The following AGMO variants were observed in gnomAD, a reference collection of about 807,000 sequenced individuals.
AGMO encodes the protein glyceryl-ether monooxygenase.
AGMO carries 75 observed loss-of-function variants against 60.2 expected under a neutral mutation model. The ratio of observed to expected loss-of-function variants is 1.25; its 90% CI spans 1.03 to 1.51. The LOEUF is 1.51. Among genes scored for constraint, AGMO ranks in the 40% most tolerant of loss-of-function variants. AGMO has a pLI of 0.00. For missense variants in AGMO, 763 were observed against 525.5 expected, an observed-to-expected ratio of 1.45 and a Z score of -4.42; for synonymous variants, 261 against 177.1, an observed-to-expected ratio of 1.47 and a Z score of -3.76.
rs1205753537 is a variant in AGMO, at chr7:15,322,538, A to G, written c.1263+42976T>C. 5.7e-4 allele frequency among the ~76,000 whole-genome samples: 30 copies of G among 52,656 alleles called. 1 individual carries two copies. Among genetic ancestry groups the G allele is most frequent in the African/African-American group, 2.5e-3 (24 of 9,482 alleles). The allele number at this position is 52,656 out of a possible 152,430, so 34.5% of individuals were successfully genotyped here. On this transcript the variant is annotated intron_variant, in intron 12 of 12. Transcript: ENST00000342526. ...TATAAATATATATAAATATATAAATATATATATAAATATATATAAATATAT... is the reference window on the plus strand; with the variant it reads ...TATAAATATATATAAATATATAAATGTATATATAAATATATATAAATATAT...
At chr7:15,165,590 C>T in the AGMO span, among the ~76,000 whole-genome samples, 3 of 152,172 alleles carry the variant, frequency 2.0e-5, no homozygotes, top group African/African-American at 7.2e-5. Context: ...TCGAGAAAAA[C>T]AAGCTCAAGA....
the AGMO span, among the ~76,000 whole-genome samples, chr7:15,147,365 G>A: frequency 8.6e-4 from 131 of 152,274 alleles, no homozygotes; most frequent in African/African-American, 2.9e-3. Flanking sequence ...CAATCATGGC[G>A]GAAGATGAAG....
At chr7:15,173,071 T>C in the AGMO span, among the ~76,000 whole-genome samples, 1 of 152,210 alleles carries the variant, frequency 6.6e-6, no homozygotes, top group Non-Finnish European at 1.5e-5. Flanking sequence ...GTTTTCTTTA[T>C]TGAAAAGTAA....
chr7:15,255,742 A>G (rs1783078084), intron 12 of AGMO, among the ~76,000 whole-genome samples: 1 of 152,230 alleles, frequency 6.6e-6, no homozygotes, highest in South Asian at 2.1e-4. Flanking sequence ...CATTGCATTA[A>G]CAGAATAAAA....
chr7:15,428,062 G>C (rs945532969), intron 4 of AGMO, among the ~76,000 whole-genome samples: 1 of 73,892 alleles, frequency 1.4e-5, no homozygotes, highest in Non-Finnish European at 3.1e-5. Context: ...TCAAAGATGC[G>C]GCCCATTTAT....
At chr7:15,356,235 G>A (rs969122753) in intron 12 of AGMO, among the ~76,000 whole-genome samples, 3 of 152,110 alleles carry the variant, frequency 2.0e-5, no homozygotes, top group African/African-American at 7.2e-5. Context: ...TACATGCAAT[G>A]TGCACTAGAT....
intron 3 of AGMO, among the ~76,000 whole-genome samples, chr7:15,505,668 G>C (rs894299420): frequency 6.6e-6 from 1 of 151,822 alleles, no homozygotes; most frequent in Non-Finnish European, 1.5e-5. Context: ...TAACAAGTGT[G>C]ACTACTTCTG....
intron 12 of AGMO, among the ~76,000 whole-genome samples, chr7:15,355,262 G>C (rs961006793): frequency 3.3e-5 from 5 of 151,960 alleles, no homozygotes; most frequent in African/African-American, 1.2e-4. Flanking sequence ...CAGCACTATG[G>C]GAGGCCGAGA....
rs142227719 is a variant in AGMO, at chr7:15,373,486, T to C, written c.1075-7264A>G. 1.2e-3 allele frequency among the ~76,000 whole-genome samples: 180 copies of C among 152,226 alleles called. 1 individual carries two copies. The East Asian group carries it at 0.022, about 18-fold the overall frequency. On this transcript the variant is annotated intron_variant, in intron 10 of 12. Coordinates refer to ENST00000342526, the MANE Select transcript of AGMO (RefSeq NM_001004320.2). ...GTTTGACGCCATGTTACTTAATCAA[T>C]GAATGTGTGGGAATTCTTCTTTTGC...
chr7:15,123,692 TA>T, the AGMO span, among the ~76,000 whole-genome samples: 1 of 152,036 alleles, frequency 6.6e-6, no homozygotes, highest in Non-Finnish European at 1.5e-5. Context: ...TTAGAAATCA[TA>T]AACTAAGTTT....
chr7:15,201,785 A>G lies in AGMO; in HGVS notation c.1264-426T>C, dbSNP rs568520645. 9.5e-4 allele frequency among the ~76,000 whole-genome samples: 144 copies of G among 152,288 alleles called. 1 individual carries two copies. The highest frequency in any genetic ancestry group is 1.7e-3 in the Non-Finnish European group (116 of 68,022). ...TAAAGAATCCCTCCAAGTCAGTATGATCTAGCTTACTATGAATTTCGCCCA... is the reference window on the plus strand; with the variant it reads ...TAAAGAATCCCTCCAAGTCAGTATGGTCTAGCTTACTATGAATTTCGCCCA... On this transcript the variant is annotated intron_variant, in intron 12 of 12. Coordinates refer to ENST00000342526, the MANE Select transcript of AGMO (RefSeq NM_001004320.2).
At chr7:15,464,200 T>C (rs542604095) in intron 3 of AGMO, among the ~76,000 whole-genome samples, 6 of 152,322 alleles carry the variant, frequency 3.9e-5, no homozygotes, top group African/African-American at 1.4e-4. Context: ...TGCAGTGCTG[T>C]GGCTGAACTG....
At chr7:15,120,745 T>C in the AGMO span, among the ~76,000 whole-genome samples, 2 of 139,296 alleles carry the variant, frequency 1.4e-5, no homozygotes, top group Non-Finnish European at 3.3e-5. Flanking sequence ...TGAGCTAAGA[T>C]AATATATTTC....
intron 12 of AGMO, among the ~76,000 whole-genome samples, chr7:15,342,392 A>G (rs548524247): frequency 4.1e-4 from 62 of 152,174 alleles, no homozygotes; most frequent in African/African-American, 1.4e-3. Flanking sequence ...AGTGTCTTCC[A>G]AATTCTTCTC....
chr7:15,311,999 A>G (rs1049393358), intron 12 of AGMO, among the ~76,000 whole-genome samples: 1 of 152,174 alleles, frequency 6.6e-6, no homozygotes, highest in Non-Finnish European at 1.5e-5. Flanking sequence ...TGAAGAAAGC[A>G]TTTGTGAGCT....
chr7:15,561,071 CA>C, intron 1 of AGMO, among the ~76,000 whole-genome samples: 1 of 152,156 alleles, frequency 6.6e-6, no homozygotes, highest in East Asian at 1.9e-4. Flanking sequence ...TCTATGATGT[CA>C]TTTTTTTTCT....
rs1166303120 is a variant in AGMO at position 15,412,748 on chromosome 7, G to A, written c.609+5810C>T. On this transcript the variant is annotated intron_variant, in intron 5 of 12. Coordinates refer to ENST00000342526, the MANE Select transcript of AGMO (RefSeq NM_001004320.2). ...AAAATTGAAGATCACCAAGGATAAG[G>A]AATATGCCCTAAGGCTAAAGGCGGT... Among the ~76,000 whole-genome samples the A allele has an allele frequency of 1.4e-4, 21 of 145,790 alleles. 1 individual carries two copies. Among genetic ancestry groups the A allele is most frequent in the Admixed American group, 1.4e-3 (21 of 14,618 alleles).
intron 2 of AGMO, among the ~76,000 whole-genome samples, chr7:15,547,692 GC>G (rs1430767285): frequency 2.6e-5 from 4 of 152,068 alleles, no homozygotes; most frequent in African/African-American, 9.7e-5. Context: ...CTGATTGCTA[GC>G]ACAGCAGTCT....
At chr7:15,304,307 T>A (rs905905898) in intron 12 of AGMO, among the ~76,000 whole-genome samples, 1 of 152,116 alleles carries the variant, frequency 6.6e-6, no homozygotes, top group Non-Finnish European at 1.5e-5. Flanking sequence ...CTCAACTCCC[T>A]TGAGGTCTTC....
Sources: allele counts gnomAD v4.1 joint callset (sites outside exome capture counted in the v4.1 genomes callset), GRCh38; gene constraint gnomAD v4.1.1; transcripts MANE v1.5; gene names NCBI Gene and HGNC (gene_info 2026-07-23, HGNC 2026-07-21).